Variants in PRTFDC1 observed in about 807,000 individuals in gnomAD.
PRTFDC1 encodes the protein phosphoribosyl transferase domain containing 1.
In PRTFDC1, 38 loss-of-function variants were observed where a neutral mutation model predicts 34.6. That is an observed-to-expected ratio of 1.10 (90% confidence interval 0.85 to 1.44). PRTFDC1 has a LOEUF of 1.44. Among genes scored for constraint, PRTFDC1 ranks in the 40% most tolerant of loss-of-function variants. The pLI is 0.00. For missense variants in PRTFDC1, 270 were observed against 283.0 expected, an observed-to-expected ratio of 0.95 and a Z score of 0.33; for synonymous variants, 93 against 98.1, an observed-to-expected ratio of 0.95 and a Z score of 0.31.
intron 3 of PRTFDC1, among the ~76,000 whole-genome samples, chr10:24,877,711 C>T (rs1847990763): frequency 6.6e-6 from 1 of 152,278 alleles, no homozygotes; most frequent in South Asian, 2.1e-4. Context: ...ACCTCCACCT[C>T]CCCAGTTCAA....
chr10:24,872,092 C>G, intron 3 of PRTFDC1, 29 bp from the exon 4 acceptor site: 1 of 1,560,422 alleles, frequency 6.4e-7, no homozygotes, highest in Non-Finnish European at 8.8e-7. Flanking sequence ...AAAAGGGAGA[C>G]AATTTTACCG....
At chr10:24,925,254 G>A (rs182969871) in intron 3 of PRTFDC1, among the ~76,000 whole-genome samples, 8 of 152,252 alleles carry the variant, frequency 5.3e-5, no homozygotes, top group Non-Finnish European at 1.2e-4. Context: ...TCACTCATAG[G>A]TGGGAGTTGA....
At chr10:24,949,877 G>C (rs1335817824) in intron 1 of PRTFDC1, among the ~76,000 whole-genome samples, 1 of 151,948 alleles carries the variant, frequency 6.6e-6, no homozygotes, top group Non-Finnish European at 1.5e-5. Context: ...TGTGATTACA[G>C]GCATGCACTA....
intron 1 of PRTFDC1, among the ~76,000 whole-genome samples, chr10:24,948,439 G>C (rs1849286988): frequency 6.6e-6 from 1 of 152,176 alleles, no homozygotes; most frequent in South Asian, 2.1e-4. Flanking sequence ...AGCCAACTCT[G>C]AGCAAAATTT....
At chr10:24,856,114 A>AAC (rs1491487304) in intron 6 of PRTFDC1, among the ~76,000 whole-genome samples, 8 of 10,338 alleles carry the variant, frequency 7.7e-4, no homozygotes, top group Admixed American at 5.1e-3. Context: ...ACTCCGTCTC[A>AAC]AAAAAAAAAA....
chr10:24,931,718 A>G (rs1375508123), intron 3 of PRTFDC1, among the ~76,000 whole-genome samples: 1 of 151,998 alleles, frequency 6.6e-6, no homozygotes, highest in Non-Finnish European at 1.5e-5. Context: ...ACTTAATTCC[A>G]ATTAAAAAAA....
rs150481523 is a variant in PRTFDC1 at position 24,937,334 on chromosome 10, G to A, written c.189C>T (p.Asp63=). Residue 63 remains aspartate, a synonymous_variant, in exon 3 of 9, where the codon GAC becomes GAT. Transcript: ENST00000320152. ...IERLAKDIMK[D]IGYSDIMVLC... is the part of the protein sequence containing the mutation. ...GGACCATGATGTCACTATATCCTATGTCTTTCATAATATCCTTGGCCAGCC... is the reference window on the plus strand; with the variant it reads ...GGACCATGATGTCACTATATCCTATATCTTTCATAATATCCTTGGCCAGCC... The A allele has an allele frequency of 1.2e-6, 2 of 1,611,854 alleles. No homozygotes were observed. Among genetic ancestry groups the A allele is most frequent in the African/African-American group, 1.3e-5 (1 of 74,814 alleles).
intron 4 of PRTFDC1, among the ~76,000 whole-genome samples, chr10:24,862,181 A>C (rs1362908932): frequency 6.6e-6 from 1 of 152,186 alleles, no homozygotes; most frequent in African/African-American, 2.4e-5. Flanking sequence ...GTATAGCCAA[A>C]CTATTATAAC....
intron 3 of PRTFDC1, among the ~76,000 whole-genome samples, chr10:24,872,788 G>GTGTGTA (rs1200742472): frequency 1.1e-4 from 9 of 83,216 alleles, no homozygotes; most frequent in South Asian, 4.5e-4. Flanking sequence ...GTGTGTGTGT[G>GTGTGTA]TATATATATA....
At chr10:24,949,749 T>A (rs1048493471) in intron 1 of PRTFDC1, among the ~76,000 whole-genome samples, 5 of 150,726 alleles carry the variant, frequency 3.3e-5, no homozygotes, top group African/African-American at 9.7e-5. Flanking sequence ...ATTTTTTTTT[T>A]TTTTTTTAAG....
chr10:24,896,290 T>A (rs1441203103), intron 3 of PRTFDC1, among the ~76,000 whole-genome samples: 1 of 152,102 alleles, frequency 6.6e-6, no homozygotes, highest in Non-Finnish European at 1.5e-5. Flanking sequence ...ATGCGAGGGA[T>A]CTAGGTTGCA....
intron 3 of PRTFDC1, among the ~76,000 whole-genome samples, chr10:24,898,388 T>C: frequency 7.1e-6 from 1 of 139,958 alleles, no homozygotes; most frequent in Admixed American, 7.7e-5. Flanking sequence ...CAATTGAGCC[T>C]GGGAGGTCGA....
At chr10:24,906,946 T>C (rs1231907475) in intron 3 of PRTFDC1, among the ~76,000 whole-genome samples, 1 of 152,250 alleles carries the variant, frequency 6.6e-6, no homozygotes, top group Non-Finnish European at 1.5e-5. Flanking sequence ...GTTTGGAATA[T>C]AGGCATATCA....
rs1194318528 is a variant in PRTFDC1 at position 24,942,430 on chromosome 10, C to T, written c.55G>A (p.Asp19Asn). The change falls in exon 2 of 9, where the codon GAT becomes AAT. Residue 19 changes from aspartate to asparagine, a missense_variant. Asp to Asn is a conservative substitution (Grantham distance 23). Transcript: ENST00000320152. ...TTCAAGTCATACCCTGGCCAATCAT[C>T]CATAATCTGCAAATCAAATTATTTT... ...PDYGRGVVIM[D>N]DWPGYDLNLF... The T allele has an allele frequency of 6.2e-7, 1 of 1,610,754 alleles. No homozygotes were observed. Among genetic ancestry groups the T allele is most frequent in the East Asian group, 2.2e-5 (1 of 44,876 alleles).
intron 1 of PRTFDC1, 72 bp from the exon 2 acceptor site, chr10:24,942,508 C>T: frequency 3.3e-6 from 4 of 1,218,552 alleles, no homozygotes; most frequent in Non-Finnish European, 3.6e-6. Flanking sequence ...AAAAGAGTAT[C>T]ACTTGAGAGG....
At chr10:24,935,394 A>T (rs1280496671) in intron 3 of PRTFDC1, among the ~76,000 whole-genome samples, 1 of 152,184 alleles carries the variant, frequency 6.6e-6, no homozygotes, top group African/African-American at 2.4e-5. Flanking sequence ...AAAACCAAGA[A>T]ATCAGAGCTA....
chr10:24,910,817 T>TA (rs1191510931), intron 3 of PRTFDC1, among the ~76,000 whole-genome samples: 5 of 151,166 alleles, frequency 3.3e-5, no homozygotes, highest in South Asian at 2.1e-4. Flanking sequence ...AAAGAAAATT[T>TA]AAAAAAAATT....
intron 1 of PRTFDC1, among the ~76,000 whole-genome samples, chr10:24,949,390 C>T (rs1454135693): frequency 6.6e-6 from 1 of 152,086 alleles, no homozygotes; most frequent in Non-Finnish European, 1.5e-5. Flanking sequence ...GCCACCTGCC[C>T]CTTTTTAAAA....
rs866402432 is a variant in PRTFDC1, at chr10:24,930,445, T to C, written c.339+6739A>G. Among the ~76,000 whole-genome samples, 3 of 152,330 alleles carry C rather than the reference T, an allele frequency of 2.0e-5. No individual in the cohort carries two copies. The South Asian group carries it at 6.2e-4, about 32-fold the overall frequency. ...AAAACATTTCAGAAAAAAAAGCAGGTAATTGTCTATTTATGGATATTGTCA... is the reference window on the plus strand; with the variant it reads ...AAAACATTTCAGAAAAAAAAGCAGGCAATTGTCTATTTATGGATATTGTCA... On this transcript the variant is annotated intron_variant, in intron 3 of 8. Coordinates refer to ENST00000320152, the MANE Select transcript of PRTFDC1 (RefSeq NM_020200.7).
Sources: gnomAD v4.1 joint callset for allele counts (sites outside exome capture counted in the v4.1 genomes callset) on GRCh38, gnomAD v4.1.1 for gene constraint, MANE v1.5 for transcripts, NCBI Gene and HGNC (gene_info 2026-07-23, HGNC 2026-07-21) for gene names.